Variants in PRKG1 observed in about 807,000 individuals in gnomAD.
PRKG1 encodes protein kinase cGMP-dependent 1.
Under a neutral mutation model 88.1 loss-of-function variants are expected in PRKG1, and 35 were observed. That is an observed-to-expected ratio of 0.40 (90% CI 0.30 to 0.53). The LOEUF is 0.53. PRKG1 is among the 20% of genes least tolerant of loss of function. The pLI, the probability that PRKG1 is intolerant of heterozygous loss-of-function variation, is 0.59. For synonymous variants in PRKG1, 303 were observed against 292.5 expected (o/e 1.04, Z -0.37); for missense variants, 540 against 839.8 (o/e 0.64, Z 4.41).
chr10:51,945,139 C>T (rs1311067140), intron 5 of PRKG1, among the ~76,000 whole-genome samples: 1 of 150,162 alleles, frequency 6.7e-6, no homozygotes, highest in Admixed American at 6.6e-5. Context: ...CTGGGTGCTC[C>T]TGTATTGGGT....
At chr10:51,391,476 A>G (rs577252620) in intron 2 of PRKG1, among the ~76,000 whole-genome samples, 15 of 152,304 alleles carry the variant, frequency 9.8e-5, no homozygotes, top group African/African-American at 3.6e-4. Flanking sequence ...TTGTTGAGGA[A>G]GATTTATGGT....
intron 9 of PRKG1, among the ~76,000 whole-genome samples, chr10:52,216,374 C>T (rs960309966): frequency 1.3e-5 from 2 of 152,138 alleles, no homozygotes; most frequent in African/African-American, 2.4e-5. Flanking sequence ...CAGATAGCTA[C>T]CGGAATGCCA....
rs571057133 is a variant in PRKG1 at position 51,785,832 on chromosome 10, G to T, written c.593-18753G>T. Among the ~76,000 whole-genome samples the T allele has an allele frequency of 2.6e-5, 4 of 152,194 alleles. No individual in the cohort carries two copies. In the South Asian group the frequency reaches 6.2e-4, roughly 24 times the overall value. ...TAAGAAAGCACTCATTACTACTTTT[G>T]TCGGTGACTGGGAGATATCTCATTC... is the stretch of plus-strand genomic sequence containing the variant. On this transcript the variant is annotated intron_variant, in intron 3 of 17. Coordinates refer to ENST00000373980, the MANE Select transcript of PRKG1 (RefSeq NM_006258.4).
chr10:51,130,033 T>A (rs966822666), intron 1 of PRKG1, among the ~76,000 whole-genome samples: 1 of 152,124 alleles, frequency 6.6e-6, no homozygotes, highest in Non-Finnish European at 1.5e-5. Flanking sequence ...AAGCATGAAC[T>A]TTATACTAAT....
At chr10:51,538,749 A>G (rs955897273) in intron 3 of PRKG1, among the ~76,000 whole-genome samples, 9 of 151,920 alleles carry the variant, frequency 5.9e-5, no homozygotes, top group African/African-American at 2.2e-4. Flanking sequence ...AGAGAAGAAG[A>G]AAATAATTGG....
At chr10:52,065,693 C>T (rs755319401) in intron 7 of PRKG1, among the ~76,000 whole-genome samples, 4 of 151,760 alleles carry the variant, frequency 2.6e-5, no homozygotes, top group African/African-American at 4.8e-5. Context: ...TTTTCAATGT[C>T]AAAGTTGGAA....
intron 3 of PRKG1, among the ~76,000 whole-genome samples, chr10:51,704,208 T>C (rs1841545762): frequency 6.7e-6 from 1 of 149,926 alleles, no homozygotes; most frequent in African/African-American, 2.5e-5. Context: ...AATGCAATTA[T>C]AGTATAGTAG....
At chr10:51,206,252 G>A (rs1021084501) in intron 2 of PRKG1, among the ~76,000 whole-genome samples, 11 of 152,082 alleles carry the variant, frequency 7.2e-5, no homozygotes, top group Non-Finnish European at 1.3e-4. Flanking sequence ...AGCACTTTGG[G>A]AGGCCGAGGC....
intron 2 of PRKG1, among the ~76,000 whole-genome samples, chr10:51,269,435 C>G (rs902980489): frequency 6.6e-6 from 1 of 152,174 alleles, no homozygotes; most frequent in East Asian, 1.9e-4. Flanking sequence ...AGCAGCACAA[C>G]TTGCAATTGC....
At chr10:51,803,340 A>G (rs772729590) in intron 3 of PRKG1, among the ~76,000 whole-genome samples, 1 of 152,116 alleles carries the variant, frequency 6.6e-6, no homozygotes, top group Non-Finnish European at 1.5e-5. Context: ...TTTAATATAG[A>G]GTTGGCCAAA....
intron 2 of PRKG1, among the ~76,000 whole-genome samples, chr10:51,386,865 T>G (rs1286368450): frequency 1.3e-5 from 2 of 152,172 alleles, no homozygotes; most frequent in Admixed American, 1.3e-4. Context: ...GGTTACCTGC[T>G]TTGGAATATT....
intron 9 of PRKG1, among the ~76,000 whole-genome samples, chr10:52,241,379 G>A (rs575379608): frequency 6.6e-6 from 1 of 152,290 alleles, no homozygotes; most frequent in Admixed American, 6.5e-5. Flanking sequence ...CAAGCTGTAA[G>A]TGAGCTTCGT....
intron 1 of PRKG1, among the ~76,000 whole-genome samples, chr10:51,025,829 A>G (rs528635347): frequency 6.6e-6 from 1 of 152,182 alleles, no homozygotes; most frequent in Non-Finnish European, 1.5e-5. Flanking sequence ...AAGGAAGGTT[A>G]TGGGTTGAAT....
chr10:51,533,370 AG>A (rs532025302), intron 3 of PRKG1, among the ~76,000 whole-genome samples: 29 of 152,334 alleles, frequency 1.9e-4, no homozygotes, highest in African/African-American at 6.5e-4. Flanking sequence ...GAGTCTGAAA[AG>A]ATCAGATAAT....
At chr10:51,592,615 C>A (rs541955667) in intron 3 of PRKG1, among the ~76,000 whole-genome samples, 1 of 152,124 alleles carries the variant, frequency 6.6e-6, no homozygotes, top group South Asian at 2.1e-4. Context: ...ACAGCAGACA[C>A]CATACATTCA....
intron 3 of PRKG1, among the ~76,000 whole-genome samples, chr10:51,519,123 A>G (rs1047103346): frequency 2.6e-5 from 4 of 152,164 alleles, no homozygotes; most frequent in Admixed American, 2.6e-4. Flanking sequence ...AGAAACACTG[A>G]GCTGGGTTGG....
intron 3 of PRKG1, among the ~76,000 whole-genome samples, chr10:51,504,894 A>G (rs1490987776): frequency 6.6e-6 from 1 of 152,146 alleles, no homozygotes; most frequent in Non-Finnish European, 1.5e-5. Context: ...GGTTTTCTAG[A>G]TATACAATCA....
At chr10:52,106,964 C>T (rs1001120141) in intron 7 of PRKG1, among the ~76,000 whole-genome samples, 6 of 152,022 alleles carry the variant, frequency 3.9e-5, no homozygotes, top group African/African-American at 1.5e-4. Flanking sequence ...CTGATCTTGT[C>T]ACATTTATGT....
intron 3 of PRKG1, among the ~76,000 whole-genome samples, chr10:51,539,201 A>T (rs1842238877): frequency 6.6e-6 from 1 of 152,010 alleles, no homozygotes; most frequent in Non-Finnish European, 1.5e-5. Context: ...CAGTATAGAG[A>T]TTTGCTAAAT....
Sources: gnomAD v4.1 joint callset for allele counts (sites outside exome capture counted in the v4.1 genomes callset) on GRCh38, gnomAD v4.1.1 for gene constraint, MANE v1.5 for transcripts, NCBI Gene and HGNC (gene_info 2026-07-23, HGNC 2026-07-21) for gene names.